OTC: variants seen among roughly 807,000 people sequenced by gnomAD.
The protein encoded by OTC is ornithine transcarbamylase, mitochondrial.
Under a neutral mutation model 30.3 loss-of-function variants are expected in OTC, and 3 were observed. That is an observed-to-expected ratio of 0.10 (90% CI 0.05 to 0.26). The LOEUF (loss-of-function observed/expected upper bound fraction) is 0.26, where lower values mean the gene tolerates loss of function less well. Among genes scored for constraint, OTC ranks in the 10% least tolerant of loss-of-function variants. OTC has a pLI of 1.00. For synonymous variants in OTC, 111 were observed against 99.7 expected (o/e 1.11, Z -0.67); for missense variants, 194 against 260.3 (o/e 0.75, Z 1.75).
chrX:38,352,112 A>G (rs190790080), upstream of OTC, among the ~76,000 whole-genome samples: 95 of 112,755 alleles, frequency 8.4e-4, 1 homozygote, highest in African/African-American at 2.5e-3. Flanking sequence ...AGGGAGCTCC[A>G]GGACTGAGAT....
At position 38,387,753 on chromosome X, in the gene OTC, C is replaced by T. The variant is rs181702746; in HGVS notation, c.386+6324C>T. 9.8e-5 allele frequency among the ~76,000 whole-genome samples: 11 copies of T among 111,942 alleles called. No individual in the cohort carries two copies. In the East Asian group the frequency reaches 2.2e-3, roughly 23 times the overall value. On this transcript the variant is annotated intron_variant, in intron 4 of 9. Transcript: ENST00000039007. Reference sequence around the variant, plus strand: ...GGTAAAGTCTAGGGGAGACTAGGCACAAGCTTCCACAAGTCCCCTCCCAGT... The same window carrying T: ...GGTAAAGTCTAGGGGAGACTAGGCATAAGCTTCCACAAGTCCCCTCCCAGT...
chrX:38,393,592 T>C (rs1475210399), intron 4 of OTC, among the ~76,000 whole-genome samples: 1 of 112,014 alleles, frequency 8.9e-6, no homozygotes, highest in East Asian at 2.8e-4. Flanking sequence ...AGTGGATTAC[T>C]GGCCACTTAA....
At chrX:38,399,894 C>T (rs911775394) in intron 4 of OTC, among the ~76,000 whole-genome samples, 7 of 111,238 alleles carry the variant, frequency 6.3e-5, no homozygotes, top group African/African-American at 1.6e-4. Flanking sequence ...TAAAATATAG[C>T]GCGCTTAGAT....
At position 38,403,703 on chromosome X, in the gene OTC, C is replaced by G. The variant is rs72558417; in HGVS notation, c.626C>G (p.Ala209Gly). The G allele has an allele frequency of 1.2e-4, 146 of 1,208,542 alleles. No individual in the cohort carries two copies. Among genetic ancestry groups the G allele is most frequent in the Non-Finnish European group, 1.5e-4 (137 of 893,978 alleles). ...NILHSIMMSAAKFGMHLQAAT... is the reference protein window; with the variant it reads ...NILHSIMMSAGKFGMHLQAAT... ...CTGCACTCCATCATGATGAGCGCAG[C>G]GAAATTCGGAATGCACCTTCAGGCA... The change falls in exon 6 of 10, where the codon GCG becomes GGG. Residue 209 changes from alanine (A) to glycine (G), a missense_variant. Transcript: ENST00000039007.
chrX:38,413,182 A>G (rs922191043), intron 9 of OTC, among the ~76,000 whole-genome samples: 1 of 112,361 alleles, frequency 8.9e-6, no homozygotes, highest in African/African-American at 3.2e-5. Context: ...CAAGCTGGAA[A>G]GGACTAGCTT....
At chrX:38,390,629 T>A (rs1475833297) in intron 4 of OTC, among the ~76,000 whole-genome samples, 3 of 112,058 alleles carry the variant, frequency 2.7e-5, no homozygotes, top group Non-Finnish European at 5.6e-5. Context: ...AGAAAATGGA[T>A]AACAGGACCC....
intron 9 of OTC, among the ~76,000 whole-genome samples, chrX:38,412,251 C>T (rs1323656998): frequency 5.4e-5 from 6 of 111,786 alleles, no homozygotes; most frequent in Non-Finnish European, 1.1e-4. Context: ...ACCCTTGATC[C>T]GCCTGAGCAC....
At chrX:38,371,247 A>T in intron 3 of OTC, among the ~76,000 whole-genome samples, 1 of 111,978 alleles carries the variant, frequency 8.9e-6, no homozygotes, top group East Asian at 2.8e-4. Flanking sequence ...ACTCTTCCAA[A>T]TTGTGCCTGG....
intron 9 of OTC, among the ~76,000 whole-genome samples, chrX:38,413,491 A>G (rs1170107248): frequency 9.0e-6 from 1 of 110,593 alleles, no homozygotes; most frequent in East Asian, 2.8e-4. Flanking sequence ...TTTTCACTGC[A>G]TCTTTCCAGC....
Position 38,381,324 on chromosome X carries a change from C to T in OTC, c.299-18C>T, listed in dbSNP as rs5917586. 7 of 940,600 alleles carry T rather than the reference C, an allele frequency of 7.4e-6. No homozygotes were observed. The highest frequency in any genetic ancestry group is 4.1e-5 in the African/African-American group (2 of 49,132). The allele number at this position is 940,600 out of a possible 1,213,427, so 77.5% of individuals were successfully genotyped here. On this transcript the variant is annotated intron_variant, in intron 3 of 9. Transcript: ENST00000039007. ...GTTGTTTTTTCAAAATGATTTTTTT[C>T]TTTTTTTTTTATTGTAGGCTTTGCA...
chrX:38,361,388 T>C (rs1602012489), intron 1 of OTC, among the ~76,000 whole-genome samples: 1 of 112,172 alleles, frequency 8.9e-6, no homozygotes, highest in Non-Finnish European at 1.9e-5. Context: ...ACTATGTGAT[T>C]GTTACCCTGC....
intron 4 of OTC, among the ~76,000 whole-genome samples, chrX:38,385,000 C>A (rs1282358177): frequency 9.0e-6 from 1 of 111,367 alleles, no homozygotes; most frequent in East Asian, 2.8e-4. Context: ...TGCGGTGGCT[C>A]ACGTCTGTAA....
intron 4 of OTC, among the ~76,000 whole-genome samples, chrX:38,394,893 T>TGG (rs199849856): frequency 2.2e-5 from 2 of 90,934 alleles, no homozygotes; most frequent in Non-Finnish European, 4.4e-5. Context: ...AAGTAGTTTC[T>TGG]GGGGGGGGGC....
chrX:38,367,648 G>A (rs750378793), intron 2 of OTC, among the ~76,000 whole-genome samples: 1 of 111,804 alleles, frequency 8.9e-6, no homozygotes, highest in Admixed American at 9.5e-5. Flanking sequence ...CTTTTTTCAC[G>A]TGGAATGCTG....
chrX:38,333,517 A>G, the OTC span, among the ~76,000 whole-genome samples: 1 of 111,286 alleles, frequency 9.0e-6, no homozygotes, highest in Non-Finnish European at 1.9e-5. Flanking sequence ...ACAGCCAAAT[A>G]TTCCTCTGCT....
Position 38,400,853 on chromosome X carries a change from G to A in OTC, c.387-422G>A, listed in dbSNP as rs2068481833. Reference sequence around the variant, plus strand: ...GATCTGTGTGTGCACTTCCATGGCTGCCACACTGGGACTTGCAATTCCACA... The same window carrying A: ...GATCTGTGTGTGCACTTCCATGGCTACCACACTGGGACTTGCAATTCCACA... On this transcript the variant is annotated intron_variant, in intron 4 of 9. Transcript: ENST00000039007. Among the ~76,000 whole-genome samples the A allele has an allele frequency of 2.7e-5, 3 of 112,806 alleles. No individual in the cohort carries two copies. The South Asian group carries it at 1.1e-3, about 41-fold the overall frequency.
chrX:38,348,648 T>C (rs2068200997), upstream of OTC, among the ~76,000 whole-genome samples: 1 of 108,038 alleles, frequency 9.3e-6, no homozygotes, highest in South Asian at 4.2e-4. Context: ...GCCATTCTCC[T>C]GCCTCAGCCT....
At chrX:38,386,659 T>C (rs753728890) in intron 4 of OTC, among the ~76,000 whole-genome samples, 21 of 112,031 alleles carry the variant, frequency 1.9e-4, no homozygotes, top group South Asian at 7.4e-4. Context: ...CTGAATGATA[T>C]TTCATTGTGA....
chrX:38,368,940 G>A (rs1053281313), intron 2 of OTC, among the ~76,000 whole-genome samples: 6 of 108,254 alleles, frequency 5.5e-5, no homozygotes, highest in African/African-American at 2.0e-4. Flanking sequence ...GAGGAAGGAG[G>A]AAGCGCCCCA....
Sources: gnomAD v4.1 joint callset for allele counts (sites outside exome capture counted in the v4.1 genomes callset) on GRCh38, gnomAD v4.1.1 for gene constraint, MANE v1.5 for transcripts, NCBI Gene and HGNC (gene_info 2026-07-23, HGNC 2026-07-21) for gene names.